Variants in LGR5 observed in about 807,000 individuals in gnomAD.
LGR5 encodes the protein leucine-rich repeat-containing G protein-coupled receptor 5.
In LGR5, 54 loss-of-function variants were observed where a neutral mutation model predicts 76.7. The ratio of observed to expected loss-of-function variants is 0.70; its 90% CI spans 0.57 to 0.88. LGR5 has a LOEUF of 0.88. Among genes scored for constraint, LGR5 ranks in the 40% least tolerant of loss-of-function variants. The probability of loss-of-function intolerance (pLI) is 0.00; values close to 1 mark genes in which losing one functional copy is unlikely to be tolerated. For synonymous variants in LGR5, 406 were observed against 421.9 expected (o/e 0.96, Z 0.46); for missense variants, 1,078 against 1,073.3 (o/e 1.00, Z -0.06).
intron 4 of LGR5, among the ~76,000 whole-genome samples, chr12:71,537,347 C>T (rs1876647327): frequency 6.6e-6 from 1 of 152,004 alleles, no homozygotes; most frequent in Admixed American, 6.6e-5. Context: ...CATGTGCCCG[C>T]AGTCCCAGCT....
rs149629605 is a variant in LGR5, at chr12:71,500,043, T to G, written c.213-4571T>G. ...TGTAGTACAATTAACACCAGGGGGC[T>G]TATGGACATAGGGATGGTGGGAAAG... On this transcript the variant is annotated intron_variant, in intron 1 of 17. Transcript: ENST00000266674. Among the ~76,000 whole-genome samples the G allele has an allele frequency of 2.7e-3, 411 of 152,192 alleles. 3 individuals are homozygous for G. The highest frequency in any genetic ancestry group is 9.3e-3 in the African/African-American group (385 of 41,504).
At chr12:71,441,904 A>G (rs1369103306) in intron 1 of LGR5, 3 of 152,128 alleles carry the variant, frequency 2.0e-5, no homozygotes, top group Non-Finnish European at 4.4e-5. Flanking sequence ...AAAGCAGAAT[A>G]CTCATCCCCA....
At chr12:71,481,142 G>T (rs1302930894) in intron 1 of LGR5, among the ~76,000 whole-genome samples, 1 of 152,072 alleles carries the variant, frequency 6.6e-6, no homozygotes, top group South Asian at 2.1e-4. Flanking sequence ...TGCAGGTTAC[G>T]TAGGTATACA....
chr12:71,485,768 CTTT>C (rs560900401), intron 1 of LGR5, among the ~76,000 whole-genome samples: 9 of 140,976 alleles, frequency 6.4e-5, no homozygotes, highest in Admixed American at 7.1e-5. Context: ...ACACAATTAT[CTTT>C]TTTTTTTTTT....
chr12:71,465,418 AG>A (rs1872824897), intron 1 of LGR5, among the ~76,000 whole-genome samples: 1 of 152,140 alleles, frequency 6.6e-6, no homozygotes, highest in Non-Finnish European at 1.5e-5. Flanking sequence ...TCTGTTTCAA[AG>A]GCTCCTTTAA....
chr12:71,540,553 T>C (rs1876825162), intron 4 of LGR5, among the ~76,000 whole-genome samples: 1 of 152,186 alleles, frequency 6.6e-6, no homozygotes, highest in South Asian at 2.1e-4. Context: ...AACCCACCCC[T>C]GGACTCTATA....
intron 14 of LGR5, 81 bp from the exon 15 acceptor site, chr12:71,578,723 T>C: frequency 7.2e-7 from 1 of 1,383,826 alleles, no homozygotes; most frequent in Non-Finnish European, 9.7e-7. Context: ...AGTTTAACGA[T>C]CTTTAGGTTG....
chr12:71,518,314 C>T (rs1403226943), intron 2 of LGR5, among the ~76,000 whole-genome samples: 2 of 152,084 alleles, frequency 1.3e-5, no homozygotes, highest in African/African-American at 4.8e-5. Context: ...CATCTCACAC[C>T]AGTCAGAATG....
intron 1 of LGR5, among the ~76,000 whole-genome samples, chr12:71,464,055 G>T (rs1004727233): frequency 2.0e-5 from 3 of 152,112 alleles, no homozygotes; most frequent in Non-Finnish European, 4.4e-5. Flanking sequence ...TTATTGTAGG[G>T]TGGACTTAAA....
intron 4 of LGR5, among the ~76,000 whole-genome samples, chr12:71,552,294 G>A (rs1877524162): frequency 2.0e-5 from 3 of 152,142 alleles, no homozygotes; most frequent in Admixed American, 2.0e-4. Context: ...GCCAGGTGCG[G>A]TGGCTCACAC....
intron 1 of LGR5, among the ~76,000 whole-genome samples, chr12:71,500,549 C>A (rs1254540006): frequency 6.6e-6 from 1 of 152,168 alleles, no homozygotes; most frequent in Admixed American, 6.5e-5. Context: ...GTGATCCTCC[C>A]ATCTCAGCCT....
In LGR5 at chr12:71,580,291, C is replaced by T; in HGVS notation, c.1420C>T (p.Pro474Ser). Residue 474 changes from proline to serine, a missense_variant, in exon 16 of 18, where the codon CCT (proline) becomes TCT (serine). By Grantham distance (74) the Pro-to-Ser change is moderately conservative. Transcript: ENST00000266674. ...NFPELKVIEM[P>S]YAYQCCAFGV... ...GTTCATTTAAAGGGTTATAGAAATG[C>T]CTTATGCTTACCAGTGCTGTGCATT... is the stretch of plus-strand genomic sequence containing the variant. The T allele has an allele frequency of 6.2e-7, 1 of 1,611,474 alleles. No homozygotes were observed. The highest frequency in any genetic ancestry group is 8.5e-7 in the Non-Finnish European group (1 of 1,178,832).
At chr12:71,444,795 T>C (rs1455011125) in intron 1 of LGR5, among the ~76,000 whole-genome samples, 2 of 152,192 alleles carry the variant, frequency 1.3e-5, no homozygotes, top group African/African-American at 4.8e-5. Context: ...AACTATTTTA[T>C]TGTTTTCAGT....
intron 1 of LGR5, among the ~76,000 whole-genome samples, chr12:71,499,390 G>A (rs1874489981): frequency 6.6e-6 from 1 of 152,152 alleles, no homozygotes; most frequent in Admixed American, 6.5e-5. Flanking sequence ...TTTGGAAATG[G>A]AGAGGATAAT....
chr12:71,474,569 A>G (rs1873246301), intron 1 of LGR5, among the ~76,000 whole-genome samples: 1 of 152,238 alleles, frequency 6.6e-6, no homozygotes. Context: ...TTTGGTATTT[A>G]AAGTTTATAA....
At chr12:71,575,210 C>T (rs1384922263) in intron 13 of LGR5, among the ~76,000 whole-genome samples, 1 of 152,002 alleles carries the variant, frequency 6.6e-6, no homozygotes, top group African/African-American at 2.4e-5. Flanking sequence ...GAGACTAAAA[C>T]CTGTAAAAAA....
intron 2 of LGR5, among the ~76,000 whole-genome samples, chr12:71,518,324 G>C (rs773972826): frequency 1.3e-5 from 2 of 152,118 alleles, no homozygotes; most frequent in Non-Finnish European, 2.9e-5. Flanking sequence ...CAGTCAGAAT[G>C]CCTGTAATTA....
chr12:71,537,678 C>A (rs1592524760), intron 4 of LGR5, among the ~76,000 whole-genome samples: 1 of 152,128 alleles, frequency 6.6e-6, no homozygotes, highest in Admixed American at 6.5e-5. Context: ...CTCCTTCTTC[C>A]TTTAAGCACG....
At chr12:71,493,237 G>A (rs375086300) in intron 1 of LGR5, among the ~76,000 whole-genome samples, 6 of 151,136 alleles carry the variant, frequency 4.0e-5, no homozygotes, top group African/African-American at 1.5e-4. Flanking sequence ...ACCATCCCTA[G>A]AAGTAACTAT....
Sources: gnomAD v4.1 joint callset for allele counts (sites outside exome capture counted in the v4.1 genomes callset) on GRCh38, gnomAD v4.1.1 for gene constraint, MANE v1.5 for transcripts, NCBI Gene and HGNC (gene_info 2026-07-23, HGNC 2026-07-21) for gene names.